The following ASTN2 variants were observed in gnomAD, a reference collection of about 807,000 sequenced individuals.
ASTN2 encodes astrotactin-2.
In ASTN2, 54 loss-of-function variants were observed where a neutral mutation model predicts 139.8. That is an observed-to-expected ratio of 0.39 (90% CI 0.31 to 0.48). The LOEUF (loss-of-function observed/expected upper bound fraction) is 0.48. Ranked by LOEUF, ASTN2 falls within the 20% of genes least tolerant of loss-of-function variation. ASTN2 has a pLI of 0.95. For synonymous variants in ASTN2, 756 were observed against 719.5 expected, an observed-to-expected ratio of 1.05 and a Z score of -0.81; for missense variants, 1,565 against 1,725.1, an observed-to-expected ratio of 0.91 and a Z score of 1.64.
rs190535120 is a variant in ASTN2, at chr9:117,177,791, C to A, written c.1016-36313G>T. Among the ~76,000 whole-genome samples, 62 of 152,272 alleles carry A rather than the reference C, an allele frequency of 4.1e-4. No individual in the cohort carries two copies. In the East Asian group the frequency reaches 8.3e-3, roughly 20 times the overall value. ...TGTTATTGTTATATGCAGCAACCTG[C>A]GACCTGTTCTCTCAGCTTCCATGTG... is the stretch of plus-strand genomic sequence containing the variant. On this transcript the variant is annotated intron_variant, in intron 3 of 22. Transcript: ENST00000313400.
chr9:117,325,564 T>C (rs1020973499), intron 1 of ASTN2, among the ~76,000 whole-genome samples: 5 of 152,172 alleles, frequency 3.3e-5, no homozygotes, highest in Admixed American at 6.5e-5. Flanking sequence ...GACTCCTAAA[T>C]GATGAAGAGT....
intron 10 of ASTN2, among the ~76,000 whole-genome samples, chr9:116,919,670 G>C (rs1470613142): frequency 7.5e-6 from 1 of 132,598 alleles, no homozygotes; most frequent in Non-Finnish European, 1.5e-5. Flanking sequence ...TTTTAGCTGA[G>C]AGCAGTAGCT....
chr9:116,742,983 G>A (rs1829134110), intron 13 of ASTN2, among the ~76,000 whole-genome samples: 5 of 152,030 alleles, frequency 3.3e-5, no homozygotes, highest in Admixed American at 3.3e-4. Context: ...TACCTCAATG[G>A]ATGCCAGTGC....
At chr9:116,807,270 G>T (rs1831052732) in intron 12 of ASTN2, among the ~76,000 whole-genome samples, 1 of 152,214 alleles carries the variant, frequency 6.6e-6, no homozygotes. Context: ...AATGTACACA[G>T]GTTGTGGGAA....
At chr9:116,760,345 C>T (rs1307481175) in intron 13 of ASTN2, among the ~76,000 whole-genome samples, 8 of 152,168 alleles carry the variant, frequency 5.3e-5, no homozygotes, top group Non-Finnish European at 1.0e-4. Flanking sequence ...ACTTGGTGGC[C>T]ACATAATATT....
At chr9:117,209,900 G>A (rs1208841891) in intron 3 of ASTN2, among the ~76,000 whole-genome samples, 1 of 151,922 alleles carries the variant, frequency 6.6e-6, no homozygotes, top group Non-Finnish European at 1.5e-5. Flanking sequence ...AATGACAACA[G>A]GAATATTCAT....
At chr9:116,678,911 A>G (rs563731162) in intron 16 of ASTN2, among the ~76,000 whole-genome samples, 25 of 152,346 alleles carry the variant, frequency 1.6e-4, no homozygotes, top group Middle Eastern at 3.4e-3. Flanking sequence ...TTTTAACATT[A>G]AAGATGCACT....
At chr9:116,890,573 T>C (rs1382684986) in intron 10 of ASTN2, among the ~76,000 whole-genome samples, 1 of 152,200 alleles carries the variant, frequency 6.6e-6, no homozygotes, top group East Asian at 1.9e-4. Context: ...CTTTTGACAC[T>C]TAAGCTTTCG....
At chr9:116,838,872 A>G (rs1372223836) in intron 11 of ASTN2, among the ~76,000 whole-genome samples, 1 of 152,198 alleles carries the variant, frequency 6.6e-6, no homozygotes, top group African/African-American at 2.4e-5. Flanking sequence ...AGCAACTGTG[A>G]ATTGTAGAAA....
intron 3 of ASTN2, among the ~76,000 whole-genome samples, chr9:117,151,752 C>A (rs999800725): frequency 6.6e-6 from 1 of 152,230 alleles, no homozygotes. Context: ...CACTTTGGTT[C>A]CCCTGGAGCT....
At chr9:117,071,381 G>A (rs1439417459) in intron 5 of ASTN2, among the ~76,000 whole-genome samples, 2 of 151,554 alleles carry the variant, frequency 1.3e-5, no homozygotes, top group East Asian at 1.9e-4. Flanking sequence ...CAGATCTCCA[G>A]CTGCGTGCTG....
chr9:116,640,600 T>A (rs1254304315), intron 17 of ASTN2, among the ~76,000 whole-genome samples: 1 of 152,082 alleles, frequency 6.6e-6, no homozygotes, highest in Non-Finnish European at 1.5e-5. Context: ...TAGAAGAAGA[T>A]CACTATGGCT....
At chr9:116,478,027 T>TA (rs1405258739) in intron 20 of ASTN2, among the ~76,000 whole-genome samples, 2 of 138,674 alleles carry the variant, frequency 1.4e-5, no homozygotes, top group Non-Finnish European at 3.1e-5. Context: ...CAGAAACAGT[T>TA]AAAAAAAGAA....
chr9:116,652,265 G>T (rs192770706), intron 16 of ASTN2, among the ~76,000 whole-genome samples: 7 of 152,304 alleles, frequency 4.6e-5, no homozygotes, highest in African/African-American at 7.2e-5. Context: ...AGCAGAGGTT[G>T]CAGTGAGCTG....
intron 1 of ASTN2, among the ~76,000 whole-genome samples, chr9:117,371,739 A>G (rs566371244): frequency 1.3e-5 from 2 of 152,234 alleles, no homozygotes; most frequent in South Asian, 2.1e-4. Flanking sequence ...TATTATTGCT[A>G]GGTGTCAAAG....
intron 2 of ASTN2, among the ~76,000 whole-genome samples, chr9:117,219,080 G>A (rs1832427698): frequency 6.6e-6 from 1 of 152,152 alleles, no homozygotes; most frequent in Non-Finnish European, 1.5e-5. Context: ...CCGTGCACAA[G>A]CAAAGGAGCT....
chr9:116,598,633 C>T (rs1854709672), intron 19 of ASTN2, among the ~76,000 whole-genome samples: 1 of 152,160 alleles, frequency 6.6e-6, no homozygotes, highest in African/African-American at 2.4e-5. Flanking sequence ...TGTAAAGAGA[C>T]AATAACAAGA....
intron 17 of ASTN2, among the ~76,000 whole-genome samples, chr9:116,622,313 T>C (rs1885243): frequency 0.94 from 143,683 of 152,284 alleles, 67,858 homozygotes; most frequent in African/African-American, 0.98. Context: ...TCCTGCCACA[T>C]GTTCTTATCC....
At chr9:117,098,331 A>C (rs1188890742) in intron 4 of ASTN2, among the ~76,000 whole-genome samples, 1 of 152,214 alleles carries the variant, frequency 6.6e-6, no homozygotes, top group African/African-American at 2.4e-5. Context: ...ATAATGAGTG[A>C]AGGTGGACTT....
Sources: allele counts gnomAD v4.1 joint callset (sites outside exome capture counted in the v4.1 genomes callset), GRCh38; gene constraint gnomAD v4.1.1; transcripts MANE v1.5; gene names NCBI Gene and HGNC (gene_info 2026-07-23, HGNC 2026-07-21).